Variants in PLXDC1 observed in about 807,000 individuals in gnomAD.
PLXDC1 encodes plexin domain containing 1.
A neutral mutation model predicts 61.3 loss-of-function variants in PLXDC1; 39 were observed. The observed-to-expected ratio is 0.64, with a 90% CI of 0.49 to 0.83. The LOEUF is 0.83. Among genes scored for constraint, PLXDC1 ranks in the 40% least tolerant of loss-of-function variants. PLXDC1 has a pLI of 0.00. For missense variants in PLXDC1, 596 were observed against 666.5 expected (o/e 0.89, Z 1.17); for synonymous variants, 212 against 254.5 (o/e 0.83, Z 1.59).
At chr17:39,121,988 T>G (rs1347399990) in intron 2 of PLXDC1, among the ~76,000 whole-genome samples, 1 of 147,674 alleles carries the variant, frequency 6.8e-6, no homozygotes, top group Non-Finnish European at 1.5e-5. Flanking sequence ...TCCCAGCTGC[T>G]CGGGAGGTTG....
chr17:39,094,782 C>T (rs34540056), intron 7 of PLXDC1, among the ~76,000 whole-genome samples: 50,458 of 152,060 alleles, frequency 0.33, 8,895 homozygotes, highest in Admixed American at 0.44. Context: ...AGCACGCCCT[C>T]CCTCCCCAGC....
chr17:39,110,849 C>T (rs192721047), intron 2 of PLXDC1, among the ~76,000 whole-genome samples: 22 of 152,278 alleles, frequency 1.4e-4, no homozygotes, highest in East Asian at 9.6e-4. Context: ...GGCTGGGGGA[C>T]GATGAGCGGA....
At chr17:39,085,093 G>A (rs1485030057) in intron 8 of PLXDC1, among the ~76,000 whole-genome samples, 3 of 152,224 alleles carry the variant, frequency 2.0e-5, no homozygotes, top group Admixed American at 6.5e-5. Context: ...CATTGCATGT[G>A]TTTCTTCCTG....
chr17:39,112,677 G>A (rs1448894783), intron 2 of PLXDC1, among the ~76,000 whole-genome samples: 1 of 152,040 alleles, frequency 6.6e-6, no homozygotes, highest in Non-Finnish European at 1.5e-5. Context: ...CTGACACGCA[G>A]GGATGGGCAA....
chr17:39,097,904 A>G (rs1299916816), intron 7 of PLXDC1, among the ~76,000 whole-genome samples: 1 of 68,500 alleles, frequency 1.5e-5, no homozygotes, highest in African/African-American at 3.9e-5. Context: ...CCTGTCTATA[A>G]AAAAAAAAAA....
At chr17:39,114,552 AC>A (rs1051143323) in intron 2 of PLXDC1, among the ~76,000 whole-genome samples, 1 of 152,104 alleles carries the variant, frequency 6.6e-6, no homozygotes, top group African/African-American at 2.4e-5. Context: ...AGATCGTAAG[AC>A]CCCAAGAGTA....
intron 2 of PLXDC1, among the ~76,000 whole-genome samples, chr17:39,125,596 C>T (rs1300005800): frequency 6.6e-6 from 1 of 152,174 alleles, no homozygotes; most frequent in Non-Finnish European, 1.5e-5. Flanking sequence ...CCCCATCCCT[C>T]ATCTGGTCCC....
At chr17:39,091,586 A>G (rs551253867) in intron 7 of PLXDC1, among the ~76,000 whole-genome samples, 21 of 152,274 alleles carry the variant, frequency 1.4e-4, no homozygotes, top group African/African-American at 4.6e-4. Context: ...CCCCAAGGCG[A>G]GCACTGCGCA....
At chr17:39,078,885 A>G (rs1909445079) in intron 10 of PLXDC1, among the ~76,000 whole-genome samples, 1 of 152,260 alleles carries the variant, frequency 6.6e-6, no homozygotes, top group Non-Finnish European at 1.5e-5. Flanking sequence ...TCAAGGCATC[A>G]GAATGCTCGT....
chr17:39,144,108 G>A (rs1381647815), intron 1 of PLXDC1, among the ~76,000 whole-genome samples: 1 of 152,184 alleles, frequency 6.6e-6, no homozygotes, highest in Admixed American at 6.5e-5. Context: ...GAGGCGGGAT[G>A]GTGGAGGCCT....
At chr17:39,126,978 G>C (rs939644864) in intron 2 of PLXDC1, 2 of 152,184 alleles carry the variant, frequency 1.3e-5, no homozygotes, top group African/African-American at 4.8e-5. Context: ...CCCAGGCACT[G>C]CCAGTGCTGC....
intron 2 of PLXDC1, among the ~76,000 whole-genome samples, chr17:39,138,325 G>T (rs1478937699): frequency 6.6e-6 from 1 of 152,130 alleles, no homozygotes; most frequent in Non-Finnish European, 1.5e-5. Flanking sequence ...GGCAGGAGAG[G>T]GGGCCAGGAT....
At chr17:39,092,479 C>T (rs1414248670) in intron 7 of PLXDC1, among the ~76,000 whole-genome samples, 1 of 152,250 alleles carries the variant, frequency 6.6e-6, no homozygotes, top group Non-Finnish European at 1.5e-5. Flanking sequence ...CATTTGTTGA[C>T]TCCTTCAGCA....
At chr17:39,070,604 A>G (rs1909078021) in intron 12 of PLXDC1, 1 of 152,290 alleles carries the variant, frequency 6.6e-6, no homozygotes, top group Non-Finnish European at 1.5e-5. Flanking sequence ...AGTTTTTCCT[A>G]TCACTGTCCA....
intron 1 of PLXDC1, among the ~76,000 whole-genome samples, chr17:39,146,716 T>C (rs1484366075): frequency 6.6e-6 from 1 of 151,098 alleles, no homozygotes; most frequent in Non-Finnish European, 1.5e-5. Context: ...ATTAGCCAGA[T>C]GTGGTGGTGC....
At chr17:39,119,754 T>A (rs1911100181) in intron 2 of PLXDC1, among the ~76,000 whole-genome samples, 2 of 151,508 alleles carry the variant, frequency 1.3e-5, no homozygotes, top group Non-Finnish European at 2.9e-5. Context: ...CAAAAAAAAT[T>A]TTTTTTTAAC....
At chr17:39,122,903 A>G (rs899192133) in intron 2 of PLXDC1, among the ~76,000 whole-genome samples, 12 of 152,314 alleles carry the variant, frequency 7.9e-5, no homozygotes, top group African/African-American at 2.6e-4. Flanking sequence ...TACACAAATC[A>G]CATCAAAGTA....
At chr17:39,105,680 C>T (rs1256878955) in intron 7 of PLXDC1, among the ~76,000 whole-genome samples, 174 bp downstream of exon 7, 2 of 152,178 alleles carry the variant, frequency 1.3e-5, no homozygotes, top group Non-Finnish European at 2.9e-5. Context: ...AATGGTCCCT[C>T]TGCTATAACA....
chr17:39,066,033 G>A lies in PLXDC1; in HGVS notation c.*1807C>T, dbSNP rs1004006246. On this transcript the variant is annotated 3_prime_UTR_variant, in exon 14 of 14. Transcript: ENST00000315392. ...CTGCCTGTGTCCCAACCACTCAGGT[G>A]CTTTGCCTCTCAACAGAATCCACCT... 1 of 152,268 alleles carries A rather than the reference G, an allele frequency of 6.6e-6. No individual in the cohort carries two copies. The highest frequency in any genetic ancestry group is 1.5e-5 in the Non-Finnish European group (1 of 68,100). The allele number at this position is 152,268 out of a possible 1,614,324, so 9.4% of individuals were successfully genotyped here.
Sources: allele counts gnomAD v4.1 joint callset (sites outside exome capture counted in the v4.1 genomes callset), GRCh38; gene constraint gnomAD v4.1.1; transcripts MANE v1.5; gene names NCBI Gene and HGNC (gene_info 2026-07-23, HGNC 2026-07-21).